The following SNX2 variants were observed in gnomAD, a reference collection of about 807,000 sequenced individuals.
The protein encoded by SNX2 is sorting nexin-2.
In SNX2, 25 loss-of-function variants were observed where a neutral mutation model predicts 69.9. The ratio of observed to expected loss-of-function variants is 0.36; its 90% CI spans 0.26 to 0.50. The LOEUF is 0.50. Ranked by LOEUF, SNX2 falls within the 20% of genes least tolerant of loss-of-function variation. The pLI is 0.97. For missense variants in SNX2, 551 were observed against 613.3 expected (o/e 0.90, Z 1.07); for synonymous variants, 229 against 200.4 (o/e 1.14, Z -1.20).
At chr5:122,804,215 C>T (rs1210596017) in intron 6 of SNX2, among the ~76,000 whole-genome samples, 1 of 152,088 alleles carries the variant, frequency 6.6e-6, no homozygotes, top group Admixed American at 6.5e-5. Context: ...TACTGAGTCA[C>T]AATCAGAGAA....
intron 7 of SNX2, among the ~76,000 whole-genome samples, chr5:122,811,502 C>T (rs1753775108): frequency 6.6e-6 from 1 of 152,088 alleles, no homozygotes; most frequent in African/African-American, 2.4e-5. Context: ...TTCTGTGTGA[C>T]CTTAGGTAAA....
rs556728801 is a variant in SNX2, at chr5:122,812,671, T to C, written c.723-3225T>C. ...GTATGTTTATTATGTTTATAGTTTATTGTCTATCTTGTACTAAAATGTAAG... is the reference window on the plus strand; with the variant it reads ...GTATGTTTATTATGTTTATAGTTTACTGTCTATCTTGTACTAAAATGTAAG... On this transcript the variant is annotated intron_variant, in intron 7 of 14. Transcript: ENST00000379516. Among the ~76,000 whole-genome samples the C allele has an allele frequency of 2.6e-5, 4 of 152,322 alleles. No homozygotes were observed. In the East Asian group the frequency reaches 7.7e-4, roughly 29 times the overall value.
chr5:122,775,174 G>A lies in SNX2; in HGVS notation c.71G>A (p.Gly24Glu), dbSNP rs747254695. ...KPTDFEDLEDGEDLFTSTVST... is the reference protein window; with the variant it reads ...KPTDFEDLEDEEDLFTSTVST... ...ACCGACTTTGAGGATCTGGAGGACG[G>A]AGAGGACCTGTTCACCAGCACTGTC... Residue 24 changes from glycine (G) to glutamate (E), a missense_variant, in exon 1 of 15, where the codon GGA becomes GAA. Coordinates refer to ENST00000379516, the MANE Select transcript of SNX2 (RefSeq NM_003100.4). The A allele has an allele frequency of 1.9e-6, 3 of 1,594,566 alleles. No individual in the cohort carries two copies. Among genetic ancestry groups the A allele is most frequent in the South Asian group, 1.2e-5 (1 of 86,942 alleles).
chr5:122,798,004 G>A (rs1298389326), intron 2 of SNX2, among the ~76,000 whole-genome samples: 2 of 152,118 alleles, frequency 1.3e-5, no homozygotes, highest in African/African-American at 2.4e-5. Flanking sequence ...TATCTGTACT[G>A]ATTTCTTAAT....
At chr5:122,788,156 A>T (rs1753134330) in intron 1 of SNX2, among the ~76,000 whole-genome samples, 1 of 152,200 alleles carries the variant, frequency 6.6e-6, no homozygotes, top group South Asian at 2.1e-4. Flanking sequence ...TTCACTGTTC[A>T]TAGGTTTCTG....
intron 1 of SNX2, among the ~76,000 whole-genome samples, chr5:122,794,062 G>A (rs570866911): frequency 1.4e-4 from 21 of 152,174 alleles, no homozygotes; most frequent in African/African-American, 3.6e-4. Flanking sequence ...TGTGATCCCA[G>A]CACTTTGGGA....
intron 6 of SNX2, among the ~76,000 whole-genome samples, chr5:122,804,076 T>A (rs569607710): frequency 6.6e-6 from 1 of 151,792 alleles, no homozygotes; most frequent in African/African-American, 2.4e-5. Flanking sequence ...AAGGCGGAGG[T>A]TGCAGTGAGC....
At chr5:122,815,727 C>A in intron 7 of SNX2, 169 bp from the exon 8 acceptor site, 5 of 411,936 alleles carry the variant, frequency 1.2e-5, no homozygotes, top group East Asian at 3.8e-5. Context: ...GAACAAAAAC[C>A]TTTTTAATTA....
Position 122,827,389 on chromosome 5 carries a change from A to C in SNX2, c.1367A>C (p.Lys456Thr), listed in dbSNP as rs1754174958. Residue 456 changes from lysine (K) to threonine (T), a missense_variant, in exon 13 of 15, where the codon AAA becomes ACA. Around this residue, in one of 2 missense-constraint regions of SNX2, gnomAD observed 360 missense variants for 450.4 expected, o/e 0.80. Transcript: ENST00000379516. ...CTTTGTTTTTATTAGTGGGAGGCGAAAGTGCAACAAGGGGAAAGAGATTTT... is the reference window on the plus strand; with the variant it reads ...CTTTGTTTTTATTAGTGGGAGGCGACAGTGCAACAAGGGGAAAGAGATTTT... ...AKNEIREWEA[K>T]VQQGERDFEQ... is the part of the protein sequence containing the mutation. 4 of 1,613,366 alleles carry C rather than the reference A, an allele frequency of 2.5e-6. No homozygotes were observed. Among genetic ancestry groups the C allele is most frequent in the Non-Finnish European group, 3.4e-6 (4 of 1,179,492 alleles).
chr5:122,797,472 AT>A (rs55661965), intron 2 of SNX2, among the ~76,000 whole-genome samples: 1 of 152,052 alleles, frequency 6.6e-6, no homozygotes, highest in South Asian at 2.1e-4. Context: ...TAATCTGATC[AT>A]TTTTGTATGA....
intron 1 of SNX2, among the ~76,000 whole-genome samples, chr5:122,793,916 C>CAAA (rs72484099): frequency 3.0e-5 from 3 of 100,978 alleles, no homozygotes; most frequent in African/African-American, 3.6e-5. Context: ...TCTGTCCCCC[C>CAAA]AAAAAAAAAA....
chr5:122,815,908 A>G lies in SNX2; in HGVS notation c.735A>G (p.Arg245=), dbSNP rs184768347. 7.3e-5 allele frequency: 117 copies of G among 1,599,226 alleles called. No individual in the cohort carries two copies. The highest frequency in any genetic ancestry group is 5.0e-4 in the Middle Eastern group (3 of 5,982). ...RRAALERYLQ[R]TVKHPTLLQD... ...CTCTTAAATCTAGGTATCTTCAAAG[A>G]ACAGTAAAACATCCAACTTTACTAC... Residue 245 remains arginine (R), a synonymous_variant, in exon 8 of 15, where the codon AGA becomes AGG. Transcript: ENST00000379516.
At chr5:122,784,959 A>AT (rs1168175955) in intron 1 of SNX2, among the ~76,000 whole-genome samples, 1 of 152,146 alleles carries the variant, frequency 6.6e-6, no homozygotes, top group East Asian at 1.9e-4. Context: ...CTTTTAAGGA[A>AT]TTTATCCATT....
chr5:122,814,291 A>G (rs1753851326), intron 7 of SNX2, among the ~76,000 whole-genome samples: 1 of 152,212 alleles, frequency 6.6e-6, no homozygotes, highest in Non-Finnish European at 1.5e-5. Context: ...AAGTGGGGAA[A>G]TACCAACATT....
At chr5:122,817,405 A>C in intron 10 of SNX2, 32 bp downstream of exon 10, 1 of 1,252,824 alleles carries the variant, frequency 8.0e-7, no homozygotes, top group East Asian at 2.4e-5. Context: ...CGTAGTTAGC[A>C]CCATAAAACT....
chr5:122,801,605 T>TAAA (rs34058769), intron 3 of SNX2, among the ~76,000 whole-genome samples: 1 of 123,698 alleles, frequency 8.1e-6, no homozygotes, highest in Non-Finnish European at 1.6e-5. Context: ...ACTCTATCTT[T>TAAA]AAAAAAAAAA....
intron 9 of SNX2, 125 bp from the exon 10 acceptor site, chr5:122,817,155 G>A (rs1041240247): frequency 2.3e-5 from 26 of 1,130,014 alleles, no homozygotes; most frequent in South Asian, 1.5e-4. Context: ...AGCCACATCA[G>A]TTGGCCACCA....
At chr5:122,782,535 G>A (rs542145830) in intron 1 of SNX2, among the ~76,000 whole-genome samples, 20 of 150,804 alleles carry the variant, frequency 1.3e-4, no homozygotes, top group Admixed American at 9.3e-4. Context: ...CATCACGCCC[G>A]GCCTATTTTA....
intron 1 of SNX2, among the ~76,000 whole-genome samples, chr5:122,782,904 G>A (rs967201895): frequency 1.3e-5 from 2 of 151,684 alleles, no homozygotes; most frequent in African/African-American, 2.4e-5. Flanking sequence ...TTTCCCAGTC[G>A]GTGACTTGTG....
Sources: allele counts gnomAD v4.1 joint callset (sites outside exome capture counted in the v4.1 genomes callset), GRCh38; gene constraint gnomAD v4.1.1; regional missense constraint gnomAD v4.1.1; transcripts MANE v1.5; gene names NCBI Gene and HGNC (gene_info 2026-07-23, HGNC 2026-07-21).